The following HSD11B1L variants were observed in gnomAD, a reference collection of about 807,000 sequenced individuals.
HSD11B1L encodes hydroxysteroid 11-beta-dehydrogenase 1-like protein.
In HSD11B1L, 22 loss-of-function variants were observed where a neutral mutation model predicts 27.0. That is an observed-to-expected ratio of 0.81 (90% CI 0.58 to 1.16). The LOEUF is 1.16. HSD11B1L is among the 50% of genes most tolerant of loss of function. HSD11B1L has a pLI of 0.00. For missense variants in HSD11B1L, 372 were observed against 401.8 expected (o/e 0.93, Z 0.63); for synonymous variants, 187 against 189.2 (o/e 0.99, Z 0.09).
rs1481893473 is a variant in HSD11B1L, at chr19:5,684,458, C to G, written c.-14-361C>G. On this transcript the variant is annotated intron_variant, in intron 1 of 7. Transcript: ENST00000339423. Reference sequence around the variant, plus strand: ...ATAGTGACTGGCTGGTTTCAAGGAACAGCGAAGGGTCTGTTTTAGTGGAGC... The same window carrying G: ...ATAGTGACTGGCTGGTTTCAAGGAAGAGCGAAGGGTCTGTTTTAGTGGAGC... 6.4e-5 allele frequency: 26 copies of G among 408,522 alleles called. No homozygotes were observed. In the South Asian group the frequency reaches 1.1e-3, roughly 18 times the overall value. The allele number at this position is 408,522 out of a possible 1,614,324, so 25.3% of individuals were successfully genotyped here.
In HSD11B1L at chr19:5,687,660, G is replaced by C. The variant is rs2054738909; in HGVS notation, c.660G>C (p.Glu220Asp). The change falls in exon 7 of 8, where the codon GAG (glutamate) becomes GAC (aspartate). Residue 220 changes from glutamate to aspartate, a missense_variant. Glu to Asp is a conservative substitution (Grantham distance 45). Transcript: ENST00000339423. The surrounding 1 kb of genome is among the most constrained non-coding windows in gnomAD (Gnocchi z 6.6). ...TCCGAGATCGCGCCTCCGCCGCCGA[G>C]GCAGTCAGGTGAGGCCCGGACAAGC... ...LGLRDRASAA[E>D]AVRGVTRVKA... is the part of the protein sequence containing the mutation. 1 of 1,584,582 alleles carries C rather than the reference G, an allele frequency of 6.3e-7. No individual in the cohort carries two copies. Among genetic ancestry groups the C allele is most frequent in the Non-Finnish European group, 8.5e-7 (1 of 1,171,100 alleles).
chr19:5,681,841 A>G (rs2054561271), intron 1 of HSD11B1L, among the ~76,000 whole-genome samples: 1 of 152,076 alleles, frequency 6.6e-6, no homozygotes, highest in Non-Finnish European at 1.5e-5. Context: ...GCATCCATAC[A>G]TGCATCTGTC....
rs764125823 is a variant in HSD11B1L, at chr19:5,685,196, AATG to A, written c.204+80_204+82del. 3.2e-4 allele frequency: 488 copies of A among 1,505,264 alleles called. 1 individual carries two copies. The highest frequency in any genetic ancestry group is 4.1e-4 in the Non-Finnish European group (464 of 1,118,874). 93.2% of individuals were successfully genotyped at this position (1,505,264 alleles called of 1,614,324 possible). ...AAGAGAGCCTGGGTTTAATCCCTGCAATGATCCAGGCTTCCCGTGTGACCTTGG... is the reference window on the plus strand; with the variant it reads ...AAGAGAGCCTGGGTTTAATCCCTGCAATCCAGGCTTCCCGTGTGACCTTGG... On this transcript the variant is annotated intron_variant, in intron 3 of 7. Coordinates refer to ENST00000339423, the MANE Select transcript of HSD11B1L (RefSeq NM_198706.3). This position sits in a 1 kb window ranked among gnomAD's most constrained non-coding sequence, Gnocchi z 4.3.
chr19:5,682,741 A>C (rs1216709681), intron 1 of HSD11B1L, among the ~76,000 whole-genome samples: 1 of 151,514 alleles, frequency 6.6e-6, no homozygotes, highest in Non-Finnish European at 1.5e-5. Context: ...GGGACTCCTC[A>C]ATGATCCGCT....
Position 5,685,058 on chromosome 19 carries a change from A to T in HSD11B1L, c.143A>T (p.His48Leu). ...NAGVGEELAY[H>L]YARLGSHLVL... Reference sequence around the variant, plus strand: ...GGTGTTGGTGAGGAGCTGGCCTATCACTACGCGCGTCTGGGCTCCCACCTG... The same window carrying T: ...GGTGTTGGTGAGGAGCTGGCCTATCTCTACGCGCGTCTGGGCTCCCACCTG... Residue 48 changes from histidine (H) to leucine (L), a missense_variant, in exon 3 of 8, where the codon CAC becomes CTC. Physicochemically the swap from His to Leu is moderately conservative, Grantham distance 99 (BLOSUM62 -3). Transcript: ENST00000339423. The surrounding 1 kb of genome is among the most constrained non-coding windows in gnomAD (Gnocchi z 4.3). The T allele has an allele frequency of 6.4e-7, 1 of 1,558,206 alleles. No individual in the cohort carries two copies. Among genetic ancestry groups the T allele is most frequent in the South Asian group, 1.2e-5 (1 of 85,330 alleles).
intron 4 of HSD11B1L, 92 bp from the exon 5 acceptor site, chr19:5,686,808 A>G: frequency 9.0e-7 from 1 of 1,108,808 alleles, no homozygotes; most frequent in Admixed American, 2.6e-5. Context: ...AGCTCGCTGG[A>G]CCAGCGCTCT....
In HSD11B1L at chr19:5,688,282, A is replaced by G. The variant is rs2054764598; in HGVS notation, c.*337A>G. The G allele has an allele frequency of 9.1e-7, 1 of 1,103,086 alleles. No individual in the cohort carries two copies. Among genetic ancestry groups the G allele is most frequent in the Non-Finnish European group, 1.3e-6 (1 of 783,394 alleles). 68.3% of individuals were successfully genotyped at this position (1,103,086 alleles called of 1,614,324 possible). A position where few individuals can be genotyped will look rare whatever the true frequency, so the allele number is the denominator to read the frequency against. The stretch of plus-strand genomic sequence containing the variant: ...TTGAGCCACCCATGGACCCCTCTCC[A>G]TCTCCTGCCTGCGCCTTTAAGTCCC... On this transcript the variant is annotated 3_prime_UTR_variant, in exon 8 of 8. Transcript: ENST00000339423.
Position 5,681,085 on chromosome 19 carries a change from C to A in HSD11B1L, c.-201C>A, listed in dbSNP as rs954368523. On this transcript the variant is annotated 5_prime_UTR_variant, in exon 1 of 8. Transcript: ENST00000339423. ...CCGGCGACGCTCCGGCGCTGGGTCC[C>A]CGAGGCCCGGCCCCTCCCCGGGAGG... 3 of 152,414 alleles carry A rather than the reference C, an allele frequency of 2.0e-5. No homozygotes were observed. The highest frequency in any genetic ancestry group is 7.2e-5 in the African/African-American group (3 of 41,416). The allele number at this position is 152,414 out of a possible 1,614,324, so 9.4% of individuals were successfully genotyped here. A position where few individuals can be genotyped will look rare whatever the true frequency, so the allele number is the denominator to read the frequency against.
Position 5,685,984 on chromosome 19 carries a change from G to A in HSD11B1L, c.205-432G>A, listed in dbSNP as rs1342582640. 6.6e-6 allele frequency among the ~76,000 whole-genome samples: 1 copy of A among 152,202 alleles called. No homozygotes were observed. Among genetic ancestry groups the A allele is most frequent in the Non-Finnish European group, 1.5e-5 (1 of 68,032 alleles). On this transcript the variant is annotated intron_variant, in intron 3 of 7. Coordinates refer to ENST00000339423, the MANE Select transcript of HSD11B1L (RefSeq NM_198706.3). This position sits in a 1 kb window ranked among gnomAD's most constrained non-coding sequence, Gnocchi z 4.3. Reference sequence around the variant, plus strand: ...AGTGAGACGGTGACTAGAAGATGCAGTGTTTCTTAACAAATGAGAGTATTG... The same window carrying A: ...AGTGAGACGGTGACTAGAAGATGCAATGTTTCTTAACAAATGAGAGTATTG...
chr19:5,684,858 TG>T lies in HSD11B1L; in HGVS notation c.31del (p.Ala11ProfsTer24). MKVLLLTG[L>X]GALFFAYYWD... ...ATGAAGGTGCTTCTCCTCACAGGGC[TG>T]GGGGCCCTGTTCTTCGCCTATTATT... On this transcript the variant is annotated frameshift_variant, in exon 2 of 8. Coordinates refer to ENST00000339423, the MANE Select transcript of HSD11B1L (RefSeq NM_198706.3). LOFTEE classifies it high-confidence loss of function. The T allele has an allele frequency of 4.3e-6, 7 of 1,613,842 alleles. No homozygotes were observed. Among genetic ancestry groups the T allele is most frequent in the Non-Finnish European group, 5.9e-6 (7 of 1,179,970 alleles).
At chr19:5,684,154 T>C in intron 1 of HSD11B1L, 1 of 404,082 alleles carries the variant, frequency 2.5e-6, no homozygotes. Flanking sequence ...TAGCTGGGAT[T>C]ACAGGCGCCT....
chr19:5,687,522 C>G lies in HSD11B1L; in HGVS notation c.522C>G (p.Phe174Leu), dbSNP rs1486605969. ...SSLLGRVPTS[F>L]STPYSAAKFA... Reference sequence around the variant, plus strand: ...CCCCAGGCCGCGTGCCCACGTCGTTCTCCACTCCCTACTCGGCGGCCAAGT... The same window carrying G: ...CCCCAGGCCGCGTGCCCACGTCGTTGTCCACTCCCTACTCGGCGGCCAAGT... Residue 174 changes from phenylalanine to leucine, a missense_variant, in exon 7 of 8, where the codon TTC becomes TTG. Transcript: ENST00000339423. This position sits in a 1 kb window ranked among gnomAD's most constrained non-coding sequence, Gnocchi z 6.6. 3.1e-6 allele frequency: 5 copies of G among 1,599,062 alleles called. No homozygotes were observed. Among genetic ancestry groups the G allele is most frequent in the Non-Finnish European group, 4.2e-6 (5 of 1,179,218 alleles).
chr19:5,686,356 G>A, intron 3 of HSD11B1L, 60 bp from the exon 4 acceptor site: 1 of 1,168,046 alleles, frequency 8.6e-7, no homozygotes, highest in Non-Finnish European at 1.2e-6. Flanking sequence ...CAGCAGGTGC[G>A]GTGGAGGGGG....
In HSD11B1L at chr19:5,685,598, C is replaced by T. The variant is rs746082470; in HGVS notation, c.204+479C>T. ...AATAAATAAATAAAAAATTAGCCGG[C>T]GTGGTGTCAGGCACCTGTAATCCCA... On this transcript the variant is annotated intron_variant, in intron 3 of 7. Transcript: ENST00000339423. The surrounding 1 kb of genome is among the most constrained non-coding windows in gnomAD (Gnocchi z 4.3). 2.9e-4 allele frequency: 54 copies of T among 186,202 alleles called. No individual in the cohort carries two copies. Among genetic ancestry groups the T allele is most frequent in the Admixed American group, 9.7e-4 (18 of 18,510 alleles). The allele number at this position is 186,202 out of a possible 1,614,324, so 11.5% of individuals were successfully genotyped here. A position where few individuals can be genotyped will look rare whatever the true frequency, so the allele number is the denominator to read the frequency against.
At position 5,685,067 on chromosome 19, in the gene HSD11B1L, G is replaced by C. The variant is rs781422805; in HGVS notation, c.152G>C (p.Arg51Pro). The C allele has an allele frequency of 6.4e-7, 1 of 1,554,740 alleles. No individual in the cohort carries two copies. Among genetic ancestry groups the C allele is most frequent in the South Asian group, 1.2e-5 (1 of 84,842 alleles). The change falls in exon 3 of 8, where the codon CGT (arginine) becomes CCT (proline). Residue 51 changes from arginine to proline, a missense_variant. By Grantham distance (103) the Arg-to-Pro change is moderately radical (BLOSUM62 -2). Coordinates refer to ENST00000339423, the MANE Select transcript of HSD11B1L (RefSeq NM_198706.3). This position sits in a 1 kb window ranked among gnomAD's most constrained non-coding sequence, Gnocchi z 4.3. The stretch of plus-strand genomic sequence containing the variant: ...GAGGAGCTGGCCTATCACTACGCGC[G>C]TCTGGGCTCCCACCTGGTGCTCACT... ...VGEELAYHYA[R>P]LGSHLVLTAH...
chr19:5,684,403 G>A, intron 1 of HSD11B1L: 1 of 354,390 alleles, frequency 2.8e-6, no homozygotes, highest in Non-Finnish European at 5.1e-6. Flanking sequence ...TAGGCAGTAG[G>A]AACAGCCCAC....
In HSD11B1L at chr19:5,688,414, A is replaced by G. The variant is rs534011465; in HGVS notation, c.*469A>G. On this transcript the variant is annotated 3_prime_UTR_variant, in exon 8 of 8. Coordinates refer to ENST00000339423, the MANE Select transcript of HSD11B1L (RefSeq NM_198706.3). ...TCTTCACACCTGCAGGGGCGTCTACACTGTTCGTCTACCTGGTGGCAGGGT... is the reference window on the plus strand; with the variant it reads ...TCTTCACACCTGCAGGGGCGTCTACGCTGTTCGTCTACCTGGTGGCAGGGT... 282 of 575,816 alleles carry G rather than the reference A, an allele frequency of 4.9e-4. 3 individuals carry two copies. In the South Asian group the frequency reaches 6.0e-3, roughly 12 times the overall value. 35.7% of individuals were successfully genotyped at this position (575,816 alleles called of 1,614,324 possible).
intron 1 of HSD11B1L, among the ~76,000 whole-genome samples, chr19:5,682,484 C>T (rs1245386726): frequency 6.6e-5 from 10 of 152,024 alleles, no homozygotes; most frequent in Admixed American, 1.3e-4. Flanking sequence ...GATCTGAAAA[C>T]CATGAGCTCG....
chr19:5,686,269 A>G (rs968579984), intron 3 of HSD11B1L, 147 bp from the exon 4 acceptor site: 2 of 594,248 alleles, frequency 3.4e-6, no homozygotes, highest in Non-Finnish European at 5.8e-6. Context: ...AGCAGTGGTA[A>G]ATTTTTGGGA....
Sources: allele counts gnomAD v4.1 joint callset (sites outside exome capture counted in the v4.1 genomes callset), GRCh38; gene constraint gnomAD v4.1.1; non-coding constraint Gnocchi (gnomAD v3.1); transcripts MANE v1.5; gene names NCBI Gene and HGNC (gene_info 2026-07-23, HGNC 2026-07-21).